The following MECOM variants were observed in gnomAD, a reference collection of about 807,000 sequenced individuals.
MECOM encodes histone-lysine N-methyltransferase MECOM.
A neutral mutation model predicts 116.3 loss-of-function variants in MECOM; 13 were observed. That is an observed-to-expected ratio of 0.11 (90% CI 0.07 to 0.18). The LOEUF (loss-of-function observed/expected upper bound fraction) is 0.18, where lower values mean the gene tolerates loss of function less well. Among genes scored for constraint, MECOM ranks in the 10% least tolerant of loss-of-function variants. The probability of loss-of-function intolerance (pLI) is 1.00; values close to 1 mark genes in which losing one functional copy is unlikely to be tolerated. For missense variants in MECOM, 1,299 were observed against 1,509.0 expected, an observed-to-expected ratio of 0.86 and a Z score of 2.31; for synonymous variants, 528 against 535.2, an observed-to-expected ratio of 0.99 and a Z score of 0.19.
intron 1 of MECOM, among the ~76,000 whole-genome samples, chr3:169,572,893 G>C (rs983936514): frequency 6.6e-6 from 1 of 151,960 alleles, no homozygotes; most frequent in Admixed American, 6.6e-5. Flanking sequence ...CAGGTTGATG[G>C]GTGCAGCAAA....
At chr3:169,292,689 G>A (rs1007356737) in intron 2 of MECOM, among the ~76,000 whole-genome samples, 2 of 152,178 alleles carry the variant, frequency 1.3e-5, no homozygotes, top group East Asian at 3.9e-4. Context: ...TATGGGAAGG[G>A]GAGGGTGAAT....
At chr3:169,360,474 C>T (rs1161826844) in intron 2 of MECOM, among the ~76,000 whole-genome samples, 1 of 151,500 alleles carries the variant, frequency 6.6e-6, no homozygotes, top group African/African-American at 2.4e-5. Flanking sequence ...AATTTCTGCC[C>T]AGAAAGTCCC....
chr3:169,252,389 T>C (rs1756354536), intron 2 of MECOM, among the ~76,000 whole-genome samples: 1 of 151,900 alleles, frequency 6.6e-6, no homozygotes, highest in Admixed American at 6.6e-5. Context: ...AAGTGTGTTC[T>C]GGTAGGTTAG....
At chr3:169,265,437 T>C (rs59016513) in intron 2 of MECOM, among the ~76,000 whole-genome samples, 30,393 of 152,230 alleles carry the variant, frequency 0.2, 4,270 homozygotes, top group African/African-American at 0.4. Flanking sequence ...TGCTAAAGTA[T>C]GTACTGCGAT....
At chr3:169,308,437 T>C (rs577088895) in intron 2 of MECOM, among the ~76,000 whole-genome samples, 72 of 152,242 alleles carry the variant, frequency 4.7e-4, no homozygotes, top group Non-Finnish European at 9.4e-4. Flanking sequence ...TCTTAAATAA[T>C]TCTATGTGTT....
intron 1 of MECOM, among the ~76,000 whole-genome samples, chr3:169,459,689 C>A (rs945801451): frequency 2.0e-5 from 3 of 152,178 alleles, no homozygotes; most frequent in African/African-American, 4.8e-5. Flanking sequence ...CTCAACCTGT[C>A]CCCTGCTCCA....
intron 2 of MECOM, among the ~76,000 whole-genome samples, chr3:169,191,766 G>GAAAGAAAGAAAGAAAGAA (rs1747702134): frequency 2.3e-5 from 3 of 133,284 alleles, no homozygotes; most frequent in African/African-American, 8.4e-5. Context: ...AAGAAAGAAA[G>GAAAGAAAGAAAGAAAGAA]AAAGAAAGAA....
intron 1 of MECOM, among the ~76,000 whole-genome samples, chr3:169,573,819 C>T (rs150949587): frequency 2.5e-3 from 375 of 152,048 alleles, no homozygotes; most frequent in African/African-American, 8.7e-3. Flanking sequence ...GAAAAATAAA[C>T]AATTAAAACA....
intron 2 of MECOM, among the ~76,000 whole-genome samples, chr3:169,280,467 T>C (rs1711690709): frequency 6.6e-6 from 1 of 152,182 alleles, no homozygotes; most frequent in African/African-American, 2.4e-5. Context: ...GTAAAAACTT[T>C]TGTCACTAGA....
At chr3:169,194,957 T>C (rs1247722005) in intron 2 of MECOM, among the ~76,000 whole-genome samples, 2 of 152,058 alleles carry the variant, frequency 1.3e-5, no homozygotes, top group African/African-American at 2.4e-5. Context: ...TGAAGGACTA[T>C]GGTAGAGACG....
chr3:169,229,113 C>T (rs1753082336), intron 2 of MECOM, among the ~76,000 whole-genome samples: 1 of 152,184 alleles, frequency 6.6e-6, no homozygotes, highest in South Asian at 2.1e-4. Flanking sequence ...GTCAATGGTC[C>T]GTTTACTTAC....
intron 1 of MECOM, among the ~76,000 whole-genome samples, chr3:169,464,591 A>ATGGGGAAAAG (rs1171692854): frequency 1.3e-5 from 2 of 152,168 alleles, no homozygotes; most frequent in Non-Finnish European, 2.9e-5. Context: ...AGGGCATTAC[A>ATGGGGAAAAG]TGGGGAAAAG....
intron 2 of MECOM, among the ~76,000 whole-genome samples, chr3:169,282,609 C>T (rs1287368450): frequency 6.6e-6 from 1 of 151,916 alleles, no homozygotes; most frequent in Admixed American, 6.6e-5. Flanking sequence ...TTATTAGGTG[C>T]CCAAATGTGA....
intron 1 of MECOM, among the ~76,000 whole-genome samples, chr3:169,390,489 A>C (rs1487488149): frequency 6.6e-6 from 1 of 152,076 alleles, no homozygotes; most frequent in African/African-American, 2.4e-5. Context: ...TACTACCTCT[A>C]ATTTGTTTAT....
At chr3:169,510,819 GA>G (rs1437816125) in intron 1 of MECOM, among the ~76,000 whole-genome samples, 2 of 152,204 alleles carry the variant, frequency 1.3e-5, no homozygotes, top group Non-Finnish European at 2.9e-5. Flanking sequence ...GTGGCAGGGA[GA>G]GGGGGGCAAA....
intron 2 of MECOM, among the ~76,000 whole-genome samples, chr3:169,309,645 A>G (rs1718365211): frequency 6.6e-6 from 1 of 152,168 alleles, no homozygotes; most frequent in African/African-American, 2.4e-5. Context: ...CTTTATTTCC[A>G]TATCTGCCTC....
intron 2 of MECOM, among the ~76,000 whole-genome samples, chr3:169,352,549 G>A (rs563829514): frequency 6.6e-6 from 1 of 151,912 alleles, no homozygotes; most frequent in Admixed American, 6.6e-5. Context: ...GAAAAGTATG[G>A]CCTTAAGAGT....
chr3:169,246,560 ACTATGTCACCCAGG>A (rs1755609875), intron 2 of MECOM, among the ~76,000 whole-genome samples: 1 of 136,616 alleles, frequency 7.3e-6, no homozygotes, highest in African/African-American at 2.8e-5. Context: ...ACGGAGTCTC[ACTATGTCACCCAGG>A]CTGGAGTGCG....
At chr3:169,290,698 G>A (rs1269924453) in intron 2 of MECOM, among the ~76,000 whole-genome samples, 2 of 152,112 alleles carry the variant, frequency 1.3e-5, no homozygotes, top group African/African-American at 4.8e-5. Context: ...TTTTAATTTT[G>A]AATAGAATTG....
Sources: gnomAD v4.1 joint callset for allele counts (sites outside exome capture counted in the v4.1 genomes callset) on GRCh38, gnomAD v4.1.1 for gene constraint, MANE v1.5 for transcripts, NCBI Gene and HGNC (gene_info 2026-07-23, HGNC 2026-07-21) for gene names.